Variants in NKTR observed in about 807,000 individuals in gnomAD.
The protein encoded by NKTR is natural killer cell triggering receptor.
A neutral mutation model predicts 156.3 loss-of-function variants in NKTR; 67 were observed. That is an observed-to-expected ratio of 0.43 (90% confidence interval 0.35 to 0.53). NKTR has a LOEUF of 0.53. Ranked by LOEUF, NKTR falls within the 20% of genes least tolerant of loss-of-function variation. NKTR has a pLI of 0.01. For missense variants in NKTR, 1,604 were observed against 1,730.9 expected (o/e 0.93, Z 1.30); for synonymous variants, 640 against 596.6 (o/e 1.07, Z -1.06).
chr3:42,642,042 T>A (rs1709933498), intron 13 of NKTR, among the ~76,000 whole-genome samples: 1 of 152,270 alleles, frequency 6.6e-6, no homozygotes, highest in South Asian at 2.1e-4. Flanking sequence ...TTGCACTTTT[T>A]ATTAAGTAAA....
chr3:42,624,712 T>A (rs1708216976), intron 6 of NKTR, among the ~76,000 whole-genome samples: 1 of 152,156 alleles, frequency 6.6e-6, no homozygotes, highest in Admixed American at 6.6e-5. Flanking sequence ...AAAATTTTAT[T>A]AACCACTCTG....
At chr3:42,635,406 T>C in intron 12 of NKTR, 40 bp downstream of exon 12, 1 of 1,499,844 alleles carries the variant, frequency 6.7e-7, no homozygotes, top group African/African-American at 1.4e-5. Context: ...GTGTCTGTTA[T>C]ATTTTAAATG....
In NKTR at chr3:42,639,398, G is replaced by A. The variant is rs201087520; in HGVS notation, c.3694G>A (p.Val1232Met). 1.1e-4 allele frequency: 181 copies of A among 1,613,980 alleles called. No homozygotes were observed. The highest frequency in any genetic ancestry group is 8.9e-4 in the South Asian group (81 of 91,078). The change falls in exon 13 of 17, where the codon GTG (valine) becomes ATG (methionine). Residue 1232 changes from valine (V) to methionine (M), a missense_variant. By Grantham distance (21) the Val-to-Met change is conservative. This residue lies in a region of NKTR where 1,255 missense variants were observed against 1,243.7 expected (regional missense o/e 1.01). Coordinates refer to ENST00000232978, the MANE Select transcript of NKTR (RefSeq NM_005385.4). ...IDKKWKPLQGVGNLAAPNAAT... is the reference protein window; with the variant it reads ...IDKKWKPLQGMGNLAAPNAAT... ...TAAGAAATGGAAGCCCCTGCAAGGTGTGGGGAACCTGGCAGCACCTAATGC... is the reference window on the plus strand; with the variant it reads ...TAAGAAATGGAAGCCCCTGCAAGGTATGGGGAACCTGGCAGCACCTAATGC...
chr3:42,609,527 A>G (rs1349943920), intron 2 of NKTR, among the ~76,000 whole-genome samples: 6 of 152,240 alleles, frequency 3.9e-5, no homozygotes, highest in Admixed American at 6.5e-5. Flanking sequence ...CAAAAGTTCA[A>G]GAAGGGGAAT....
At chr3:42,621,648 C>G in intron 6 of NKTR, 132 bp downstream of exon 6, 1 of 921,984 alleles carries the variant, frequency 1.1e-6, no homozygotes, top group Non-Finnish European at 1.6e-6. Context: ...TTTCTAATAT[C>G]ATAGTAACTT....
chr3:42,613,350 C>T (rs779144335), intron 2 of NKTR, among the ~76,000 whole-genome samples: 4 of 152,050 alleles, frequency 2.6e-5, no homozygotes, highest in Non-Finnish European at 5.9e-5. Flanking sequence ...GAGTAAATGG[C>T]CCGATGTTAT....
chr3:42,611,344 C>T (rs1706786345), intron 2 of NKTR, among the ~76,000 whole-genome samples: 1 of 152,032 alleles, frequency 6.6e-6, no homozygotes, highest in Admixed American at 6.6e-5. Context: ...CTGGCTATTT[C>T]CTTTGTTTTA....
At position 42,637,185 on chromosome 3, in the gene NKTR, A is replaced by C; in HGVS notation, c.1481A>C (p.His494Pro). The C allele has an allele frequency of 6.2e-7, 1 of 1,611,746 alleles. No homozygotes were observed. The highest frequency in any genetic ancestry group is 8.5e-7 in the Non-Finnish European group (1 of 1,179,434). Reference sequence around the variant, plus strand: ...CGTTCTTCCTCATTGTCATCTCATCACTCATCAAAGAGAGACTGGTCTAAA... The same window carrying C: ...CGTTCTTCCTCATTGTCATCTCATCCCTCATCAAAGAGAGACTGGTCTAAA... ...SSRSSSLSSH[H>P]SSKRDWSKSD... Residue 494 changes from histidine (H) to proline (P), a missense_variant, in exon 13 of 17, where the codon CAC becomes CCC. His to Pro is a moderately conservative substitution (Grantham distance 77, BLOSUM62 -2). Coordinates refer to ENST00000232978, the MANE Select transcript of NKTR (RefSeq NM_005385.4).
intron 4 of NKTR, chr3:42,619,445 A>C: frequency 7.3e-7 from 1 of 1,372,644 alleles, no homozygotes; most frequent in South Asian, 1.7e-5. Flanking sequence ...TGTTTGAAAT[A>C]AGTAGGTTGT....
intron 2 of NKTR, among the ~76,000 whole-genome samples, chr3:42,603,599 A>G (rs1048763594): frequency 6.6e-6 from 1 of 152,222 alleles, no homozygotes; most frequent in Non-Finnish European, 1.5e-5. Context: ...GCCGAATCAT[A>G]TAAAACAAGG....
chr3:42,634,614 A>G lies in NKTR; in HGVS notation c.931A>G (p.Lys311Glu). 1 of 1,530,100 alleles carries G rather than the reference A, an allele frequency of 6.5e-7. No individual in the cohort carries two copies. Among genetic ancestry groups the G allele is most frequent in the South Asian group, 1.2e-5 (1 of 80,598 alleles). The allele number at this position is 1,530,100 out of a possible 1,614,324, so 94.8% of individuals were successfully genotyped here. Residue 311 changes from lysine to glutamate, a missense_variant and splice_region_variant, in exon 11 of 17, where the codon AAG (lysine) becomes GAG (glutamate). Physicochemically the swap from Lys to Glu is moderately conservative, Grantham distance 56. Transcript: ENST00000232978. Reference protein sequence around the residue: ...MPVVTAEPEPKIPDVAPIVSD... With the variant: ...MPVVTAEPEPEIPDVAPIVSD... Reference sequence around the variant, plus strand: ...TTCATCACAATCTTCTTTTCCTAGGAAGATTCCTGATGTTGCACCCATTGT... The same window carrying G: ...TTCATCACAATCTTCTTTTCCTAGGGAGATTCCTGATGTTGCACCCATTGT...
chr3:42,615,488 G>C (rs1191951296), intron 2 of NKTR, among the ~76,000 whole-genome samples: 3 of 151,780 alleles, frequency 2.0e-5, no homozygotes, highest in Non-Finnish European at 2.9e-5. Flanking sequence ...TGTACTACTG[G>C]AGGGTACACA....
chr3:42,630,325 TG>T, intron 6 of NKTR: 3 of 1,378,162 alleles, frequency 2.2e-6, no homozygotes, highest in Non-Finnish European at 2.8e-6. Context: ...CTAATAGAGA[TG>T]ATTGTAATTC....
chr3:42,608,667 C>G (rs1299786830), intron 2 of NKTR, among the ~76,000 whole-genome samples: 1 of 152,214 alleles, frequency 6.6e-6, no homozygotes, highest in African/African-American at 2.4e-5. Context: ...TCTTCTCTCT[C>G]TGAAGGTTGG....
rs1275801894 is a variant in NKTR at position 42,631,306 on chromosome 3, A to G, written c.540A>G (p.Ser180=). ...ACTGTGGAGTACTTGCCACAAAATC[A>G]ATAAAAGATGGTAAGAACTTTTTTG... ...VIDCGVLATK[S]IKDVFEKKRK... Residue 180 remains serine (S), a synonymous_variant, in exon 8 of 17, where the codon TCA becomes TCG. Coordinates refer to ENST00000232978, the MANE Select transcript of NKTR (RefSeq NM_005385.4). 2 of 1,613,556 alleles carry G rather than the reference A, an allele frequency of 1.2e-6. No homozygotes were observed.
chr3:42,633,076 G>A (rs1480704347), intron 9 of NKTR: 1 of 1,061,506 alleles, frequency 9.4e-7, no homozygotes, highest in African/African-American at 1.7e-5. Context: ...GTCTTGCTCT[G>A]TTATCCAGGC....
chr3:42,636,889 C>A lies in NKTR; in HGVS notation c.1185C>A (p.Ser395Arg). 1 of 1,571,980 alleles carries A rather than the reference C, an allele frequency of 6.4e-7. No homozygotes were observed. Among genetic ancestry groups the A allele is most frequent in the Non-Finnish European group, 8.6e-7 (1 of 1,166,714 alleles). The change falls in exon 13 of 17, where the codon AGC (serine) becomes AGA (arginine). Residue 395 changes from serine to arginine, a missense_variant. By Grantham distance (110) the Ser-to-Arg change is moderately radical. Coordinates refer to ENST00000232978, the MANE Select transcript of NKTR (RefSeq NM_005385.4). ...KGDKLSDPCS[S>R]RWDERSLSQR... The stretch of plus-strand genomic sequence containing the variant: ...ATAGGTTAAGTGACCCCTGTTCAAG[C>A]CGATGGGATGAAAGAAGCTTGTCTC...
rs9822273 is a variant in NKTR at position 42,610,769 on chromosome 3, A to C, written c.59-6801A>C. ...TTTGGTTTCGATTTTATTTTGTTTC[A>C]AAAAAATTAAGCTTTTCATCTTTTG... On this transcript the variant is annotated intron_variant, in intron 2 of 16. Coordinates refer to ENST00000232978, the MANE Select transcript of NKTR (RefSeq NM_005385.4). 3.8e-3 allele frequency among the ~76,000 whole-genome samples: 581 copies of C among 152,196 alleles called. 3 individuals are homozygous for C. Among genetic ancestry groups the C allele is most frequent in the African/African-American group, 0.014 (561 of 41,536 alleles).
intron 12 of NKTR, among the ~76,000 whole-genome samples, chr3:42,636,450 C>T (rs1423540348): frequency 6.6e-6 from 1 of 152,200 alleles, no homozygotes; most frequent in African/African-American, 2.4e-5. Context: ...TAGTTTCAAG[C>T]AGCTATCCTG....
Sources: allele counts gnomAD v4.1 joint callset (sites outside exome capture counted in the v4.1 genomes callset), GRCh38; gene constraint gnomAD v4.1.1; regional missense constraint gnomAD v4.1.1; transcripts MANE v1.5; gene names NCBI Gene and HGNC (gene_info 2026-07-23, HGNC 2026-07-21).